The following DACH2 variants were observed in gnomAD, a reference collection of about 807,000 sequenced individuals.
DACH2 encodes dachshund homolog 2.
DACH2 carries 17 observed loss-of-function variants against 35.8 expected under a neutral mutation model. That is an observed-to-expected ratio of 0.48 (90% confidence interval 0.33 to 0.71). The LOEUF is 0.71. DACH2 is among the 30% of genes least tolerant of loss of function. The probability of loss-of-function intolerance (pLI) is 0.02; values close to 1 mark genes in which losing one functional copy is unlikely to be tolerated. For synonymous variants in DACH2, 195 were observed against 177.3 expected (o/e 1.10, Z -0.79); for missense variants, 469 against 472.7 (o/e 0.99, Z 0.07).
At chrX:86,304,558 C>G (rs953192745) in intron 1 of DACH2, 2 of 154,936 alleles carry the variant, frequency 1.3e-5, no homozygotes, top group African/African-American at 6.2e-5. Context: ...GAAGAGCTTA[C>G]GATAACCAGG....
At position 86,667,761 on chromosome X, in the gene DACH2, C is replaced by A. The variant is rs2040717049; in HGVS notation, c.772+16594C>A. On this transcript the variant is annotated intron_variant, in intron 4 of 11. Coordinates refer to ENST00000373125, the MANE Select transcript of DACH2 (RefSeq NM_053281.3). ...CTCTCCTTTCCCTGTAGGACCAGAG[C>A]CATCATATTTAACTTTCTTCAGTTT... Among the ~76,000 whole-genome samples, 3 of 111,871 alleles carry A rather than the reference C, an allele frequency of 2.7e-5. No homozygotes were observed. In the Admixed American group the frequency reaches 2.8e-4, roughly 11 times the overall value.
chrX:86,743,614 G>T (rs1250021311), intron 7 of DACH2, among the ~76,000 whole-genome samples: 2 of 111,170 alleles, frequency 1.8e-5, no homozygotes, highest in Non-Finnish European at 3.8e-5. Context: ...TCTGTAAACT[G>T]AACGTGCTTC....
chrX:86,765,698 G>GTTTTTTTTTTTTTTTTTTTTTTTTTTTGT (rs60709865), intron 7 of DACH2, among the ~76,000 whole-genome samples: 1 of 24,637 alleles, frequency 4.1e-5, no homozygotes, highest in Non-Finnish European at 6.5e-5. Flanking sequence ...TTGTTTTTTG[G>GTTTTTTTTTTTTTTTTTTTTTTTTTTTGT]TTTTTTTTTT....
chrX:86,282,687 C>G (rs183514200), intron 1 of DACH2, among the ~76,000 whole-genome samples: 1 of 108,956 alleles, frequency 9.2e-6, no homozygotes, highest in East Asian at 2.9e-4. Context: ...GGCTAATATC[C>G]AGAATCTGCA....
At chrX:86,294,827 T>G (rs2148004807) in intron 1 of DACH2, among the ~76,000 whole-genome samples, 1 of 108,876 alleles carries the variant, frequency 9.2e-6, no homozygotes, top group South Asian at 4.1e-4. Flanking sequence ...TCTTCAAAGC[T>G]GTCAGACAGG....
Position 86,215,367 on chromosome X carries a change from T to C in DACH2, c.488+66259T>C, listed in dbSNP as rs753349803. 3.6e-5 allele frequency among the ~76,000 whole-genome samples: 4 copies of C among 111,799 alleles called. No individual in the cohort carries two copies. The South Asian group carries it at 1.5e-3, about 42-fold the overall frequency. On this transcript the variant is annotated intron_variant, in intron 1 of 11. Transcript: ENST00000373125. ...AAATAGTAAGATTGAATAGGCAATA[T>C]TTTAAAAAAGCTACGCAAGAGTTAG... is the stretch of plus-strand genomic sequence containing the variant.
intron 1 of DACH2, among the ~76,000 whole-genome samples, chrX:86,217,700 T>G (rs1310721552): frequency 9.0e-6 from 1 of 111,028 alleles, no homozygotes; most frequent in Non-Finnish European, 1.9e-5. Context: ...ATAGAAGTAT[T>G]GAGATAATTG....
intron 5 of DACH2, among the ~76,000 whole-genome samples, chrX:86,702,892 G>T (rs1201636011): frequency 2.7e-5 from 3 of 111,157 alleles, no homozygotes; most frequent in Non-Finnish European, 3.8e-5. Context: ...AAAATATTGA[G>T]AATGAATCCC....
chrX:86,763,470 T>G (rs1005666362), intron 7 of DACH2, among the ~76,000 whole-genome samples: 4 of 112,455 alleles, frequency 3.6e-5, no homozygotes, highest in African/African-American at 9.7e-5. Context: ...TTGTTTTGTT[T>G]TGAGACGGAG....
At chrX:86,322,451 C>A (rs2035033051) in intron 1 of DACH2, among the ~76,000 whole-genome samples, 1 of 110,837 alleles carries the variant, frequency 9.0e-6, no homozygotes, top group African/African-American at 3.3e-5. Flanking sequence ...AGTGGGGGTG[C>A]CCCCACCGAC....
chrX:86,187,636 G>C (rs1334595354), intron 1 of DACH2, among the ~76,000 whole-genome samples: 1 of 110,894 alleles, frequency 9.0e-6, no homozygotes, highest in Non-Finnish European at 1.9e-5. Context: ...GTGTTGGCCA[G>C]GCTGGTCTCA....
chrX:86,516,733 C>T (rs1339254358), intron 3 of DACH2, among the ~76,000 whole-genome samples: 2 of 110,870 alleles, frequency 1.8e-5, no homozygotes, highest in Non-Finnish European at 3.8e-5. Context: ...CTCAAGTAGA[C>T]CCCAGTATCT....
chrX:86,679,880 G>A (rs2040861760), intron 4 of DACH2, among the ~76,000 whole-genome samples: 1 of 110,979 alleles, frequency 9.0e-6, no homozygotes, highest in Non-Finnish European at 1.9e-5. Context: ...AAATTTGGTA[G>A]GCTGTAGCCA....
At chrX:86,588,890 A>C (rs1312968993) in intron 3 of DACH2, among the ~76,000 whole-genome samples, 2 of 111,301 alleles carry the variant, frequency 1.8e-5, no homozygotes, top group Middle Eastern at 4.2e-3. Flanking sequence ...TAGGACTTTC[A>C]GTACTATGTT....
chrX:86,404,116 C>A (rs746181412), intron 2 of DACH2, among the ~76,000 whole-genome samples: 1 of 110,813 alleles, frequency 9.0e-6, no homozygotes, highest in Non-Finnish European at 1.9e-5. Flanking sequence ...ATGGGAACTA[C>A]CATTCAAGAT....
At chrX:86,212,129 A>G (rs2032459322) in intron 1 of DACH2, among the ~76,000 whole-genome samples, 1 of 111,159 alleles carries the variant, frequency 9.0e-6, no homozygotes. Context: ...ATCTTTTGCA[A>G]TCTTTGTATC....
At chrX:86,216,814 G>T (rs969182792) in intron 1 of DACH2, among the ~76,000 whole-genome samples, 8 of 111,543 alleles carry the variant, frequency 7.2e-5, no homozygotes, top group African/African-American at 2.6e-4. Flanking sequence ...CAAACAGGAG[G>T]CTGGGCATGG....
At position 86,624,047 on chromosome X, in the gene DACH2, C is replaced by CAAAAAA. The variant is rs1466830603; in HGVS notation, c.641-26987_641-26982dup. Among the ~76,000 whole-genome samples, 9 of 16,337 alleles carry CAAAAAA rather than the reference C, an allele frequency of 5.5e-4. 2 individuals are homozygous for CAAAAAA. Among genetic ancestry groups the CAAAAAA allele is most frequent in the African/African-American group, 2.3e-3 (8 of 3,490 alleles). 14.2% of individuals were successfully genotyped at this position (16,337 alleles called of 115,157 possible). ...TGGGCGACAGAGCGAAACTCCGTCT[C>CAAAAAA]AAAAAAACAAAACAAAAAAAAAAAA... On this transcript the variant is annotated intron_variant, in intron 3 of 11. Coordinates refer to ENST00000373125, the MANE Select transcript of DACH2 (RefSeq NM_053281.3).
At chrX:86,249,831 G>T (rs186285708) in intron 1 of DACH2, among the ~76,000 whole-genome samples, 36 of 111,611 alleles carry the variant, frequency 3.2e-4, no homozygotes, top group African/African-American at 1.1e-3. Context: ...ATTACATAAA[G>T]AAAATATGAT....
Sources: gnomAD v4.1 joint callset for allele counts (sites outside exome capture counted in the v4.1 genomes callset) on GRCh38, gnomAD v4.1.1 for gene constraint, MANE v1.5 for transcripts, NCBI Gene and HGNC (gene_info 2026-07-23, HGNC 2026-07-21) for gene names.